The following NBPF3 variants were observed in gnomAD, a reference collection of about 807,000 sequenced individuals.
The protein encoded by NBPF3 is NBPF family member NBPF3.
Under a neutral mutation model 78.1 loss-of-function variants are expected in NBPF3, and 57 were observed. That is an observed-to-expected ratio of 0.73 (90% CI 0.59 to 0.91). The LOEUF (loss-of-function observed/expected upper bound fraction) is 0.91, where lower values mean the gene tolerates loss of function less well. NBPF3 is among the 40% of genes least tolerant of loss of function. NBPF3 has a pLI of 0.00. For missense variants in NBPF3, 510 were observed against 715.3 expected (o/e 0.71, Z 3.27); for synonymous variants, 182 against 271.7 (o/e 0.67, Z 3.25).
chr1:21,465,876 G>A (rs919029579), intron 2 of NBPF3, among the ~76,000 whole-genome samples: 1 of 152,200 alleles, frequency 6.6e-6, no homozygotes, highest in African/African-American at 2.4e-5. Context: ...TAGAAATTTA[G>A]CAAGTTCTTT....
intron 2 of NBPF3, 122 bp downstream of exon 2, chr1:21,445,341 CAG>C (rs1432821958): frequency 8.9e-7 from 1 of 1,118,220 alleles, no homozygotes; most frequent in East Asian, 2.5e-5. Flanking sequence ...TGGCATGAAA[CAG>C]ATATTAAATA....
chr1:21,479,820 C>CTGTGTGTGTG lies in NBPF3; in HGVS notation c.1209-207_1209-198dup, dbSNP rs59451117. On this transcript the variant is annotated intron_variant, in intron 10 of 14. Transcript: ENST00000318249. The stretch of plus-strand genomic sequence containing the variant: ...TCTCTCTCTCTCTCTCTCTCTCTCT[C>CTGTGTGTGTG]TGTGTGTGTGTGTGTGTGTGTGTGT... Among the ~76,000 whole-genome samples the CTGTGTGTGTG allele has an allele frequency of 2.4e-3, 244 of 102,878 alleles. 2 individuals carry two copies. Among genetic ancestry groups the CTGTGTGTGTG allele is most frequent in the Middle Eastern group, 0.011 (2 of 188 alleles). The allele number at this position is 102,878 out of a possible 152,430, so 67.5% of individuals were successfully genotyped here.
intron 9 of NBPF3, 34 bp downstream of exon 9, chr1:21,478,341 A>C: frequency 6.2e-7 from 1 of 1,605,838 alleles, no homozygotes; most frequent in South Asian, 1.1e-5. Context: ...ATAAAGCTCC[A>C]GTTCATGTCC....
chr1:21,456,291 C>G (rs1297613000), intron 2 of NBPF3, among the ~76,000 whole-genome samples: 1 of 152,190 alleles, frequency 6.6e-6, no homozygotes, highest in Non-Finnish European at 1.5e-5. Flanking sequence ...GAACAGCTAA[C>G]AAATAACTCT....
chr1:21,475,845 T>C (rs1161770780), intron 8 of NBPF3, among the ~76,000 whole-genome samples: 1 of 152,170 alleles, frequency 6.6e-6, no homozygotes, highest in South Asian at 2.1e-4. Flanking sequence ...TTCTGTCTCA[T>C]TGATCTGTCA....
rs1054803726 is a variant in NBPF3, at chr1:21,472,707, G to A, written c.662-136G>A. On this transcript the variant is annotated intron_variant, in intron 5 of 14. Transcript: ENST00000318249. ...TCGGGAAACCATGCCAGGGCATTTT[G>A]TTAACGATAAAACATGAGAGCTTTC... The A allele has an allele frequency of 1.1e-5, 8 of 733,086 alleles. No homozygotes were observed. In the African/African-American group the frequency reaches 1.4e-4, roughly 13 times the overall value. 45.4% of individuals were successfully genotyped at this position (733,086 alleles called of 1,614,324 possible). A position where few individuals can be genotyped will look rare whatever the true frequency, so the allele number is the denominator to read the frequency against.
chr1:21,468,736 C>CCGGCCCTTGGTCCGGTGAGAAGGCAG lies in NBPF3; in HGVS notation c.183_208dup (p.Glu70AlafsTer11), dbSNP rs1558495650. On this transcript the variant is annotated frameshift_variant, in exon 3 of 15. Transcript: ENST00000318249. LOFTEE classifies it high-confidence loss of function. Reference sequence around the variant, plus strand: ...ACAAACGTCAGCATGGTGGTATCTGCCGGCCCTTGGTCCGGTGAGAAGGCA... The same window carrying CCGGCCCTTGGTCCGGTGAGAAGGCAG: ...ACAAACGTCAGCATGGTGGTATCTGCCGGCCCTTGGTCCGGTGAGAAGGCAGCGGCCCTTGGTCCGGTGAGAAGGCA... The CCGGCCCTTGGTCCGGTGAGAAGGCAG allele has an allele frequency of 1.9e-6, 3 of 1,613,572 alleles. No homozygotes were observed. The highest frequency in any genetic ancestry group is 2.5e-6 in the Non-Finnish European group (3 of 1,179,512).
At chr1:21,467,252 T>G in intron 2 of NBPF3, 4 of 985,334 alleles carry the variant, frequency 4.1e-6, no homozygotes, top group Non-Finnish European at 4.8e-6. Flanking sequence ...CCTCCTTCCT[T>G]CACTACCACA....
chr1:21,475,642 G>T (rs1054145289), intron 8 of NBPF3, among the ~76,000 whole-genome samples: 1 of 152,170 alleles, frequency 6.6e-6, no homozygotes, highest in Non-Finnish European at 1.5e-5. Context: ...TGTGATTTCT[G>T]TTCTTTTACA....
intron 2 of NBPF3, chr1:21,466,085 A>T (rs960306704): frequency 2.0e-6 from 2 of 985,430 alleles, no homozygotes; most frequent in African/African-American, 3.5e-5. Context: ...TGCCCTTTTC[A>T]GGGAGCCTTG....
At chr1:21,477,344 G>C (rs1300627956) in intron 8 of NBPF3, among the ~76,000 whole-genome samples, 2 of 152,200 alleles carry the variant, frequency 1.3e-5, no homozygotes, top group Non-Finnish European at 2.9e-5. Flanking sequence ...TCCTTTGGAG[G>C]AGAAGGGGCG....
At chr1:21,447,149 G>C (rs554288372) in intron 2 of NBPF3, among the ~76,000 whole-genome samples, 1 of 152,276 alleles carries the variant, frequency 6.6e-6, no homozygotes, top group African/African-American at 2.4e-5. Flanking sequence ...AACTTGAGTG[G>C]ATAGTACAGA....
intron 1 of NBPF3, among the ~76,000 whole-genome samples, chr1:21,441,093 G>A (rs529169738): frequency 3.9e-5 from 6 of 152,178 alleles, no homozygotes; most frequent in Non-Finnish European, 8.8e-5. Flanking sequence ...TTTGCTGCTA[G>A]AGCTGCTTTC....
upstream of NBPF3, chr1:21,437,342 C>T (rs889755072): frequency 3.8e-5 from 18 of 475,086 alleles, no homozygotes; most frequent in Non-Finnish European, 6.5e-5. Context: ...TGGAGTTGTC[C>T]GGGACCCCAG....
chr1:21,450,843 C>T (rs1464107986), intron 2 of NBPF3, among the ~76,000 whole-genome samples: 1 of 152,154 alleles, frequency 6.6e-6, no homozygotes, highest in African/African-American at 2.4e-5. Flanking sequence ...GCTTATCTGC[C>T]CCTAACGTGA....
intron 2 of NBPF3, among the ~76,000 whole-genome samples, chr1:21,457,853 G>A (rs923145088): frequency 1.3e-5 from 2 of 152,168 alleles, no homozygotes; most frequent in Admixed American, 6.5e-5. Context: ...GCCCAGTAAC[G>A]AGATGCAGAT....
chr1:21,474,899 G>T lies in NBPF3; in HGVS notation c.941-1G>T. 6.3e-7 allele frequency: 1 copy of T among 1,599,240 alleles called. No individual in the cohort carries two copies. Among genetic ancestry groups the T allele is most frequent in the African/African-American group, 1.3e-5 (1 of 74,512 alleles). On this transcript the variant is annotated splice_acceptor_variant, in intron 7 of 14. Transcript: ENST00000318249. LOFTEE classifies it high-confidence loss of function. ...ACCTGCTTCTCTGAATTTATTTCCA[G>T]AAAATGAAAGTGATCATGAGCAAGA...
chr1:21,439,628 C>T (rs1375071962), upstream of NBPF3, among the ~76,000 whole-genome samples: 2 of 151,792 alleles, frequency 1.3e-5, no homozygotes, highest in African/African-American at 4.8e-5. Context: ...TTTAACTTTA[C>T]AATTTTCTGT....
Position 21,470,661 on chromosome 1 carries a change from T to C in NBPF3, c.373T>C (p.Ser125Pro). 6.2e-7 allele frequency: 1 copy of C among 1,600,038 alleles called. No individual in the cohort carries two copies. Residue 125 changes from serine to proline, a missense_variant, in exon 4 of 15, where the codon TCT becomes CCT. Ser to Pro is a moderately conservative substitution (Grantham distance 74, BLOSUM62 -1). This residue lies in a region of NBPF3 where 440 missense variants were observed against 478.2 expected (regional missense o/e 0.92). Coordinates refer to ENST00000318249, the MANE Select transcript of NBPF3 (RefSeq NM_032264.6). The part of the protein sequence containing the change: ...DYEDCKDLIK[S>P]MLRDERLLTE... Reference sequence around the variant, plus strand: ...TGAAGACTGCAAAGACCTCATAAAATCTATGCTGAGGGATGAGCGGCTGCT... The same window carrying C: ...TGAAGACTGCAAAGACCTCATAAAACCTATGCTGAGGGATGAGCGGCTGCT...
Sources: allele counts gnomAD v4.1 joint callset (sites outside exome capture counted in the v4.1 genomes callset), GRCh38; gene constraint gnomAD v4.1.1; regional missense constraint gnomAD v4.1.1; transcripts MANE v1.5; gene names NCBI Gene and HGNC (gene_info 2026-07-23, HGNC 2026-07-21).